The following LIMCH1 variants were observed in gnomAD, a reference collection of about 807,000 sequenced individuals.
LIMCH1 encodes LIM and calponin homology domains 1.
Under a neutral mutation model 176.5 loss-of-function variants are expected in LIMCH1, and 113 were observed. That is an observed-to-expected ratio of 0.64 (90% confidence interval 0.55 to 0.75). LIMCH1 has a LOEUF of 0.75. LIMCH1 is among the 30% of genes least tolerant of loss of function. LIMCH1 has a pLI of 0.00. For synonymous variants in LIMCH1, 619 were observed against 645.9 expected, an observed-to-expected ratio of 0.96 and a Z score of 0.63; for missense variants, 1,674 against 1,814.9, an observed-to-expected ratio of 0.92 and a Z score of 1.41.
chr4:41,684,462 A>G lies in LIMCH1; in HGVS notation c.3911A>G (p.Gln1304Arg). ...PVSKGVHEDH[Q>R]LDTEAGAPHC... is the part of the protein sequence containing the mutation. ...TCAAAAGGAGTCCATGAAGACCATC[A>G]GCTGGATACCGAGGCTGGGGCCCCA... Residue 1304 changes from glutamine to arginine, a missense_variant, in exon 27 of 32, where the codon CAG (glutamine) becomes CGG (arginine). Gln to Arg is a conservative substitution (Grantham distance 43). Around this residue, in one of 3 missense-constraint regions of LIMCH1, gnomAD observed 1,015 missense variants for 1,102.5 expected, o/e 0.92. Transcript: ENST00000503057. The G allele has an allele frequency of 1.2e-6, 2 of 1,613,794 alleles. No homozygotes were observed. The highest frequency in any genetic ancestry group is 1.7e-6 in the Non-Finnish European group (2 of 1,179,826).
chr4:41,668,651 T>C (rs574024408), intron 21 of LIMCH1, among the ~76,000 whole-genome samples: 1 of 152,240 alleles, frequency 6.6e-6, no homozygotes, highest in Non-Finnish European at 1.5e-5. Context: ...CAAAATGTAT[T>C]CTTTAAGATA....
intron 1 of LIMCH1, among the ~76,000 whole-genome samples, chr4:41,388,871 G>A (rs1233571028): frequency 6.6e-6 from 1 of 152,178 alleles, no homozygotes; most frequent in Non-Finnish European, 1.5e-5. Flanking sequence ...TCGAACTCCA[G>A]ACCTCAGGTG....
intron 29 of LIMCH1, chr4:41,689,033 G>A (rs1157392177): frequency 1.3e-5 from 2 of 154,514 alleles, no homozygotes; most frequent in Admixed American, 6.4e-5. Flanking sequence ...CGGGCCCTCT[G>A]TCTAGTCTGC....
intron 1 of LIMCH1, among the ~76,000 whole-genome samples, chr4:41,491,315 C>A (rs1583044189): frequency 7.0e-6 from 1 of 143,228 alleles, no homozygotes; most frequent in Non-Finnish European, 1.5e-5. Flanking sequence ...CCAGACGGGG[C>A]AGCCAGGCAG....
chr4:41,691,592 C>CAAAAAAAAAAAAAAAAAAAA, intron 30 of LIMCH1, among the ~76,000 whole-genome samples: 1 of 62,392 alleles, frequency 1.6e-5, no homozygotes, highest in Non-Finnish European at 3.5e-5. Context: ...ACTAAAAATA[C>CAAAAAAAAAAAAAAAAAAAA]AAAAAAAAAA....
At chr4:41,542,701 G>A (rs893050183) in intron 1 of LIMCH1, among the ~76,000 whole-genome samples, 7 of 152,032 alleles carry the variant, frequency 4.6e-5, no homozygotes, top group Non-Finnish European at 1.0e-4. Flanking sequence ...TATTTCAATT[G>A]TTTCCAGAAA....
At chr4:41,400,145 G>A (rs2058267842) in intron 1 of LIMCH1, among the ~76,000 whole-genome samples, 1 of 151,708 alleles carries the variant, frequency 6.6e-6, no homozygotes, top group South Asian at 2.1e-4. Flanking sequence ...TACTGTATCT[G>A]AATACTTGAG....
intron 28 of LIMCH1, among the ~76,000 whole-genome samples, chr4:41,686,429 A>G (rs2153065899): frequency 6.6e-6 from 1 of 152,352 alleles, no homozygotes; most frequent in African/African-American, 2.4e-5. Context: ...AAGTTAAATA[A>G]CTTATCCAAA....
intron 1 of LIMCH1, among the ~76,000 whole-genome samples, chr4:41,361,524 G>A (rs1281977223): frequency 2.0e-5 from 3 of 152,220 alleles, no homozygotes; most frequent in Non-Finnish European, 4.4e-5. Flanking sequence ...AGACCCACCT[G>A]CGAGCACGCA....
intron 1 of LIMCH1, among the ~76,000 whole-genome samples, chr4:41,557,276 T>C (rs1359089649): frequency 6.6e-6 from 1 of 152,152 alleles, no homozygotes; most frequent in Non-Finnish European, 1.5e-5. Flanking sequence ...ACCAACAATG[T>C]CATAAATGCA....
chr4:41,589,272 T>C (rs761975455), intron 1 of LIMCH1, among the ~76,000 whole-genome samples: 52 of 152,074 alleles, frequency 3.4e-4, no homozygotes, highest in Non-Finnish European at 3.4e-4. Flanking sequence ...CTAGGTGATA[T>C]CTAGGTTAAA....
chr4:41,421,346 C>T (rs781654303), intron 1 of LIMCH1, among the ~76,000 whole-genome samples: 1 of 152,144 alleles, frequency 6.6e-6, no homozygotes, highest in Non-Finnish European at 1.5e-5. Flanking sequence ...GAGGTCAGAT[C>T]GCTGATTCAG....
At chr4:41,473,915 C>T (rs1368210226) in intron 1 of LIMCH1, among the ~76,000 whole-genome samples, 2 of 152,138 alleles carry the variant, frequency 1.3e-5, no homozygotes, top group African/African-American at 2.4e-5. Context: ...CAGTGGTTTA[C>T]GCCTGTAATC....
At chr4:41,650,324 G>A (rs1399281570) in intron 17 of LIMCH1, 69 bp from the exon 18 acceptor site, 19 of 1,069,480 alleles carry the variant, frequency 1.8e-5, no homozygotes, top group African/African-American at 6.3e-5. Flanking sequence ...AATTCTGAAC[G>A]TGTCGTTTTG....
intron 20 of LIMCH1, among the ~76,000 whole-genome samples, chr4:41,664,262 A>G (rs1438246615): frequency 6.6e-6 from 1 of 152,186 alleles, no homozygotes; most frequent in Non-Finnish European, 1.5e-5. Flanking sequence ...TGCCACTTGT[A>G]GTTCCAGTTT....
At chr4:41,447,853 C>A (rs180687476) in intron 1 of LIMCH1, among the ~76,000 whole-genome samples, 1 of 152,028 alleles carries the variant, frequency 6.6e-6, no homozygotes, top group Non-Finnish European at 1.5e-5. Flanking sequence ...TGCAGTGGCG[C>A]GATTTCCGCT....
chr4:41,656,031 C>T (rs111558716), intron 18 of LIMCH1, among the ~76,000 whole-genome samples: 2,114 of 152,262 alleles, frequency 0.014, 34 homozygotes, highest in African/African-American at 0.036. Context: ...CCATCAGGTT[C>T]GTGGCAATTT....
At chr4:41,509,037 A>ATGGCTGATTAGTAGAGCAACAATACAACC (rs879276389) in intron 2 of LIMCH1, among the ~76,000 whole-genome samples, 46 of 152,206 alleles carry the variant, frequency 3.0e-4, no homozygotes, top group Non-Finnish European at 5.7e-4. Flanking sequence ...GTATGACCCA[A>ATGGCTGATTAGTAGAGCAACAATACAACC]TGGCTGATTA....
intron 1 of LIMCH1, among the ~76,000 whole-genome samples, chr4:41,582,814 T>A (rs1207764679): frequency 6.6e-6 from 1 of 152,230 alleles, no homozygotes; most frequent in Non-Finnish European, 1.5e-5. Context: ...ATTATCATCA[T>A]CTTCAGCAGT....
Sources: gnomAD v4.1 joint callset for allele counts (sites outside exome capture counted in the v4.1 genomes callset) on GRCh38, gnomAD v4.1.1 for gene constraint, gnomAD v4.1.1 regional missense constraint, MANE v1.5 for transcripts, NCBI Gene and HGNC (gene_info 2026-07-23, HGNC 2026-07-21) for gene names.